Variants in EIF2AK1 observed in about 807,000 individuals in gnomAD.
EIF2AK1 encodes the protein eukaryotic translation initiation factor 2-alpha kinase 1.
EIF2AK1 carries 54 observed loss-of-function variants against 77.9 expected under a neutral mutation model. The ratio of observed to expected loss-of-function variants is 0.69; its 90% confidence interval spans 0.56 to 0.87. EIF2AK1 has a LOEUF of 0.87. EIF2AK1 is among the 40% of genes least tolerant of loss of function. EIF2AK1 has a pLI of 0.00. For missense variants in EIF2AK1, 810 were observed against 768.6 expected (o/e 1.05, Z -0.64); for synonymous variants, 314 against 290.5 (o/e 1.08, Z -0.82).
At chr7:6,055,692 A>C (rs898762583) in intron 1 of EIF2AK1, among the ~76,000 whole-genome samples, 1 of 151,728 alleles carries the variant, frequency 6.6e-6, no homozygotes, top group South Asian at 2.1e-4. Flanking sequence ...AAAAAAAAAA[A>C]AAACCTAGCT....
chr7:6,047,920 C>T (rs2128890798), intron 4 of EIF2AK1: 1 of 152,256 alleles, frequency 6.6e-6, no homozygotes, highest in East Asian at 1.9e-4. Context: ...ATGTGGACAC[C>T]AGACTGGCAT....
intron 4 of EIF2AK1, among the ~76,000 whole-genome samples, chr7:6,048,446 G>C (rs1201747063): frequency 6.6e-6 from 1 of 152,176 alleles, no homozygotes; most frequent in African/African-American, 2.4e-5. Context: ...CTTTATTGCA[G>C]GGATAGACCA....
chr7:6,051,387 TC>T (rs1219800551), intron 2 of EIF2AK1, among the ~76,000 whole-genome samples: 2 of 151,514 alleles, frequency 1.3e-5, no homozygotes, highest in Admixed American at 6.6e-5. Context: ...TTTTCCTGCC[TC>T]AGTCGCCTGA....
rs747653683 is a variant in EIF2AK1, at chr7:6,024,771, CTA to C, written c.1793_1794del (p.Ile598ArgfsTer25). On this transcript the variant is annotated frameshift_variant, in exon 15 of 15. Transcript: ENST00000199389. LOFTEE classifies it low-confidence loss of function (END_TRUNC). Reference protein sequence around the residue: ...NVNLTLQMKIIEQEKEIAELK... With the variant: ...NVNLTLQMKIXEQEKEIAELK... ...AGTTCTGCAATTTCTTTTTCTTGCT[CTA>C]TTATCTTCATCTGTAGGGTGAGGTT... The C allele has an allele frequency of 6.3e-7, 1 of 1,578,076 alleles. No homozygotes were observed. Among genetic ancestry groups the C allele is most frequent in the African/African-American group, 1.4e-5 (1 of 72,104 alleles).
chr7:6,048,076 G>C (rs1208193439), intron 4 of EIF2AK1: 3 of 152,152 alleles, frequency 2.0e-5, no homozygotes, highest in African/African-American at 7.2e-5. Context: ...TTAATGTAGA[G>C]TGCTTTATCA....
At position 6,032,703 on chromosome 7, in the gene EIF2AK1, T is replaced by A. The variant is rs1342497041; in HGVS notation, c.1333-3671A>T. ...AAAACAGGTAGTAGAAAGGAAACTTTCAATGCACATACCAGAAAAAGAGTG... is the reference window on the plus strand; with the variant it reads ...AAAACAGGTAGTAGAAAGGAAACTTACAATGCACATACCAGAAAAAGAGTG... On this transcript the variant is annotated intron_variant, in intron 11 of 14. Transcript: ENST00000199389. The surrounding 1 kb of genome is among the most constrained non-coding windows in gnomAD (Gnocchi z 4.3). 1.7e-6 allele frequency: 1 copy of A among 603,406 alleles called. No individual in the cohort carries two copies. Among genetic ancestry groups the A allele is most frequent in the Non-Finnish European group, 2.8e-6 (1 of 358,426 alleles). 37.4% of individuals were successfully genotyped at this position (603,406 alleles called of 1,614,324 possible). A position where few individuals can be genotyped will look rare whatever the true frequency, so the allele number is the denominator to read the frequency against.
intron 1 of EIF2AK1, among the ~76,000 whole-genome samples, chr7:6,056,814 C>T (rs1423696952): frequency 6.6e-6 from 1 of 151,420 alleles, no homozygotes; most frequent in Non-Finnish European, 1.5e-5. Context: ...GACACACTTG[C>T]ATGTTTACAG....
intron 6 of EIF2AK1, among the ~76,000 whole-genome samples, 162 bp from the exon 7 acceptor site, chr7:6,044,823 T>A (rs1191763673): frequency 6.6e-6 from 1 of 152,232 alleles, no homozygotes; most frequent in Non-Finnish European, 1.5e-5. Flanking sequence ...TTTCTCCAGC[T>A]TGCAGTATGC....
chr7:6,046,923 T>TA (rs1321105338), intron 5 of EIF2AK1, 69 bp downstream of exon 5: 5 of 1,351,200 alleles, frequency 3.7e-6, no homozygotes, highest in Non-Finnish European at 4.1e-6. Context: ...AATAAAAGAA[T>TA]AATGAAAACA....
Position 6,027,039 on chromosome 7 carries a change from C to T in EIF2AK1, c.1531-78G>A, listed in dbSNP as rs1254138433. 2.5e-6 allele frequency: 3 copies of T among 1,193,288 alleles called. No homozygotes were observed. Among genetic ancestry groups the T allele is most frequent in the Non-Finnish European group, 2.5e-6 (2 of 813,218 alleles). 73.9% of individuals were successfully genotyped at this position (1,193,288 alleles called of 1,614,324 possible). ...CGTTTCCATTTCCGTGTTCCACCCT[C>T]CAAACAGGAGAGGGTTTCTAAGAAT... On this transcript the variant is annotated intron_variant, in intron 13 of 14. Transcript: ENST00000199389. This position sits in a 1 kb window ranked among gnomAD's most constrained non-coding sequence, Gnocchi z 4.5.
chr7:6,031,612 T>G lies in EIF2AK1; in HGVS notation c.1333-2580A>C, dbSNP rs1385011804. 5 of 1,549,382 alleles carry G rather than the reference T, an allele frequency of 3.2e-6. No individual in the cohort carries two copies. In the Admixed American group the frequency reaches 7.8e-5, roughly 24 times the overall value. ...CCCAGGTACCCTCTTTTCTGCTCAG[T>G]CACTTCTGGAAAAAAGTCAGGCTGC... On this transcript the variant is annotated intron_variant, in intron 11 of 14. Coordinates refer to ENST00000199389, the MANE Select transcript of EIF2AK1 (RefSeq NM_014413.4).
rs1320367675 is a variant in EIF2AK1, at chr7:6,032,470, C to A, written c.1333-3438G>T. Among the ~76,000 whole-genome samples, 3 of 152,234 alleles carry A rather than the reference C, an allele frequency of 2.0e-5. No individual in the cohort carries two copies. In the South Asian group the frequency reaches 6.2e-4, roughly 31 times the overall value. On this transcript the variant is annotated intron_variant, in intron 11 of 14. Coordinates refer to ENST00000199389, the MANE Select transcript of EIF2AK1 (RefSeq NM_014413.4). This position sits in a 1 kb window ranked among gnomAD's most constrained non-coding sequence, Gnocchi z 4.3. ...TAATACGACTTTGGCAACGACACAG[C>A]ACCTACTTGTCCATCACCCTGTGGG...
chr7:6,031,320 A>T (rs1263671199), intron 11 of EIF2AK1: 3 of 1,463,062 alleles, frequency 2.1e-6, no homozygotes, highest in Non-Finnish European at 2.8e-6. Context: ...TCACAAAGAG[A>T]CTGAAACTGA....
chr7:6,046,895 A>G (rs1788459528), intron 5 of EIF2AK1, 97 bp downstream of exon 5: 11 of 1,161,020 alleles, frequency 9.5e-6, no homozygotes, highest in Non-Finnish European at 1.3e-5. Flanking sequence ...GCGAGACTCC[A>G]TCTCAAAAAA....
chr7:6,041,325 G>C, intron 8 of EIF2AK1, 106 bp from the exon 9 acceptor site: 1 of 1,192,786 alleles, frequency 8.4e-7, no homozygotes, highest in South Asian at 1.5e-5. Flanking sequence ...GATCACTTAA[G>C]GTCAGGAGTT....
chr7:6,026,321 C>A, intron 14 of EIF2AK1: 1 of 397,898 alleles, frequency 2.5e-6, no homozygotes, highest in South Asian at 1.9e-5. Context: ...GGTGAAGGGT[C>A]AGAGTTTGAC....
At chr7:6,044,689 C>T (rs1224749147) in intron 6 of EIF2AK1, 28 bp from the exon 7 acceptor site, 1 of 1,590,614 alleles carries the variant, frequency 6.3e-7, no homozygotes, top group Non-Finnish European at 8.6e-7. Context: ...GTAGATCTGC[C>T]TTTTGCTGAT....
At chr7:6,038,513 T>C (rs1788170367) in intron 10 of EIF2AK1, 47 bp downstream of exon 10, 12 of 1,450,964 alleles carry the variant, frequency 8.3e-6, no homozygotes, top group Non-Finnish European at 1.1e-5. Flanking sequence ...ATGGGGAAGG[T>C]GTGACTGTGT....
At chr7:6,043,945 A>C (rs1168747363) in intron 7 of EIF2AK1, among the ~76,000 whole-genome samples, 1 of 151,530 alleles carries the variant, frequency 6.6e-6, no homozygotes. Flanking sequence ...CTAAAAATAC[A>C]AAAATTAGCC....
Sources: allele counts gnomAD v4.1 joint callset (sites outside exome capture counted in the v4.1 genomes callset), GRCh38; gene constraint gnomAD v4.1.1; non-coding constraint Gnocchi (gnomAD v3.1); transcripts MANE v1.5; gene names NCBI Gene and HGNC (gene_info 2026-07-23, HGNC 2026-07-21).